Variants in LZTFL1 observed in about 807,000 individuals in gnomAD.
LZTFL1 encodes the protein leucine zipper transcription factor like 1, also known as leucine zipper transcription factor-like protein 1.
In LZTFL1, 25 loss-of-function variants were observed where a neutral mutation model predicts 45.9. The observed-to-expected ratio is 0.54, with a 90% CI of 0.40 to 0.76. The LOEUF (loss-of-function observed/expected upper bound fraction) is 0.76, where lower values mean the gene tolerates loss of function less well. Among genes scored for constraint, LZTFL1 ranks in the 30% least tolerant of loss-of-function variants. The pLI is 0.00. For missense variants in LZTFL1, 277 were observed against 331.1 expected (o/e 0.84, Z 1.27); for synonymous variants, 93 against 117.4 (o/e 0.79, Z 1.35).
At chr3:45,844,347 C>T (rs902673600), upstream of LZTFL1, among the ~76,000 whole-genome samples, 3 of 152,016 alleles carry the variant, frequency 2.0e-5, no homozygotes, top group African/African-American at 7.3e-5. Context: ...AGTGGAGGGA[C>T]TCAGAAAGCC....
chr3:45,880,725 G>A (rs1261590491), intron 2 of LZTFL1, among the ~76,000 whole-genome samples: 3 of 152,048 alleles, frequency 2.0e-5, no homozygotes, highest in Non-Finnish European at 4.4e-5. Context: ...TCCCTCTGCT[G>A]ATAATGGCTG....
chr3:45,903,230 AC>A, intron 2 of LZTFL1: 1 of 165,960 alleles, frequency 6.0e-6, no homozygotes, highest in Middle Eastern at 3.4e-3. Flanking sequence ...GATTGTTCAC[AC>A]TCAGTTACAG....
chr3:45,870,480 C>T (rs1355212635), intron 2 of LZTFL1, among the ~76,000 whole-genome samples: 1 of 152,106 alleles, frequency 6.6e-6, no homozygotes, highest in East Asian at 1.9e-4. Flanking sequence ...CACATGTGTG[C>T]GTGTGTGTTT....
At chr3:45,907,271 T>C (rs962135821) in intron 2 of LZTFL1, among the ~76,000 whole-genome samples, 6 of 152,196 alleles carry the variant, frequency 3.9e-5, no homozygotes, top group African/African-American at 1.4e-4. Flanking sequence ...CATCTCCTTC[T>C]GGGAGTCACC....
At chr3:45,892,276 C>T (rs1024190803) in intron 2 of LZTFL1, among the ~76,000 whole-genome samples, 6 of 152,120 alleles carry the variant, frequency 3.9e-5, no homozygotes, top group African/African-American at 1.4e-4. Flanking sequence ...TTCATTCCAA[C>T]ACTATTCACA....
At chr3:45,851,862 C>A (rs1179178700) in intron 4 of LZTFL1, among the ~76,000 whole-genome samples, 1 of 151,784 alleles carries the variant, frequency 6.6e-6, no homozygotes, top group African/African-American at 2.4e-5. Context: ...TTCTTGTTCC[C>A]AAACTAGAGA....
At chr3:45,888,010 A>G (rs1420941498) in intron 2 of LZTFL1, among the ~76,000 whole-genome samples, 1 of 152,258 alleles carries the variant, frequency 6.6e-6, no homozygotes, top group East Asian at 1.9e-4. Context: ...CAGAGGCTAT[A>G]AGTGTGGGGA....
rs759132458 is a variant in LZTFL1 at position 45,901,876 on chromosome 3, C to G, written c.-215+11244G>C. ...CTGTCGTCTATGTTGCTGGAGACAA[C>G]CTCAGGAGCACTCTCCCTCTGAGGG... On this transcript the variant is annotated intron_variant, in intron 2 of 4. Coordinates refer to the LZTFL1 transcript ENST00000472635. The surrounding 1 kb of genome is among the most constrained non-coding windows in gnomAD (Gnocchi z 4.3). 1 of 1,602,862 alleles carries G rather than the reference C, an allele frequency of 6.2e-7. No homozygotes were observed. Among genetic ancestry groups the G allele is most frequent in the Non-Finnish European group, 8.5e-7 (1 of 1,171,830 alleles).
chr3:45,879,232 A>G (rs1701807937), intron 2 of LZTFL1, among the ~76,000 whole-genome samples: 1 of 152,248 alleles, frequency 6.6e-6, no homozygotes, highest in Non-Finnish European at 1.5e-5. Context: ...CTTTATTCAT[A>G]ATTGCCCAAA....
At chr3:45,843,736 G>T (rs948607714), upstream of LZTFL1, among the ~76,000 whole-genome samples, 1 of 152,202 alleles carries the variant, frequency 6.6e-6, no homozygotes, top group African/African-American at 2.4e-5. Context: ...CAACAGAGTT[G>T]AGTGTTGTTA....
chr3:45,843,282 A>G (rs1701161850), upstream of LZTFL1, among the ~76,000 whole-genome samples: 1 of 152,064 alleles, frequency 6.6e-6, no homozygotes, highest in South Asian at 2.1e-4. Flanking sequence ...AGTGTTGTTG[A>G]ATTTGGTTGC....
intron 2 of LZTFL1, among the ~76,000 whole-genome samples, chr3:45,878,563 T>G (rs1010107174): frequency 6.6e-6 from 1 of 151,196 alleles, no homozygotes; most frequent in African/African-American, 2.4e-5. Flanking sequence ...ACATGTAAAG[T>G]TCTGATTTTT....
At chr3:45,858,457 T>G (rs1207643323) in intron 3 of LZTFL1, among the ~76,000 whole-genome samples, 1 of 152,258 alleles carries the variant, frequency 6.6e-6, no homozygotes, top group Non-Finnish European at 1.5e-5. Context: ...CTGAGCTGAA[T>G]AATACATATT....
At chr3:45,890,394 T>A (rs1702141269) in intron 2 of LZTFL1, among the ~76,000 whole-genome samples, 1 of 81,738 alleles carries the variant, frequency 1.2e-5, no homozygotes, top group Non-Finnish European at 2.6e-5. Flanking sequence ...CTAATTGATA[T>A]CTCAAAAATC....
intron 2 of LZTFL1, among the ~76,000 whole-genome samples, chr3:45,898,950 G>A (rs894010335): frequency 6.6e-5 from 10 of 152,118 alleles, no homozygotes; most frequent in Non-Finnish European, 1.2e-4. Context: ...GGTGGATTAC[G>A]AGGTCAGAAG....
intron 3 of LZTFL1, among the ~76,000 whole-genome samples, chr3:45,856,606 T>A (rs1701397122): frequency 6.6e-6 from 1 of 151,524 alleles, no homozygotes; most frequent in Non-Finnish European, 1.5e-5. Flanking sequence ...ACCTACAAGA[T>A]GGGAGAAAAT....
rs1471911864 is a variant in LZTFL1, at chr3:45,858,156, T to G, written c.-138+784A>C. Among the ~76,000 whole-genome samples the G allele has an allele frequency of 2.0e-5, 3 of 152,208 alleles. 1 individual carries two copies. The highest frequency in any genetic ancestry group is 4.4e-5 in the Non-Finnish European group (3 of 68,034). On this transcript the variant is annotated intron_variant, in intron 3 of 4. Transcript: ENST00000472635. ...TGTCTATATCCATTTCCAAGAAGAA[T>G]AAATAAGTATATGAATAGTAGATTA...
chr3:45,856,148 A>C (rs1359816482), intron 3 of LZTFL1, among the ~76,000 whole-genome samples: 1 of 152,228 alleles, frequency 6.6e-6, no homozygotes, highest in African/African-American at 2.4e-5. Flanking sequence ...CTACAAGGCT[A>C]CAGTAACCAA....
chr3:45,910,722 ATGAAAGAAG>A (rs1288727662), intron 2 of LZTFL1, among the ~76,000 whole-genome samples: 2 of 152,258 alleles, frequency 1.3e-5, no homozygotes, highest in East Asian at 3.8e-4. Context: ...TTGCAATTAA[ATGAAAGAAG>A]TGATTCTAAG....
Sources: allele counts gnomAD v4.1 joint callset (sites outside exome capture counted in the v4.1 genomes callset), GRCh38; gene constraint gnomAD v4.1.1; non-coding constraint Gnocchi (gnomAD v3.1); transcripts MANE v1.5; gene names NCBI Gene and HGNC (gene_info 2026-07-23, HGNC 2026-07-21).